Variants in PTPRK observed in about 807,000 individuals in gnomAD.
The protein encoded by PTPRK is protein tyrosine phosphatase receptor type K, also known as receptor-type tyrosine-protein phosphatase kappa.
In PTPRK, 75 loss-of-function variants were observed where a neutral mutation model predicts 178.0. That is an observed-to-expected ratio of 0.42 (90% CI 0.35 to 0.51). The LOEUF is 0.51. Ranked by LOEUF, PTPRK falls within the 20% of genes least tolerant of loss-of-function variation. PTPRK has a pLI of 0.02. For synonymous variants in PTPRK, 637 were observed against 620.6 expected, an observed-to-expected ratio of 1.03 and a Z score of -0.39; for missense variants, 1,441 against 1,797.8, an observed-to-expected ratio of 0.80 and a Z score of 3.59.
At chr6:128,409,083 C>T (rs951304256) in intron 1 of PTPRK, among the ~76,000 whole-genome samples, 2 of 151,488 alleles carry the variant, frequency 1.3e-5, no homozygotes, top group South Asian at 4.2e-4. Flanking sequence ...TAAAAGTGTC[C>T]CTTCCTAGCC....
At chr6:128,285,850 T>C (rs1368259774) in intron 3 of PTPRK, among the ~76,000 whole-genome samples, 2 of 152,076 alleles carry the variant, frequency 1.3e-5, no homozygotes, top group South Asian at 2.1e-4. Context: ...AGAAATGTCA[T>C]AGGAAAGTTA....
chr6:128,474,373 ACATTCTTCAAT>A (rs1244388189), intron 1 of PTPRK, among the ~76,000 whole-genome samples: 1 of 152,016 alleles, frequency 6.6e-6, no homozygotes, highest in Non-Finnish European at 1.5e-5. Flanking sequence ...AGAAAACACT[ACATTCTTCAAT>A]GGAAAAAAAA....
intron 7 of PTPRK, among the ~76,000 whole-genome samples, chr6:128,120,036 C>A (rs919794966): frequency 6.6e-6 from 1 of 151,748 alleles, no homozygotes; most frequent in Non-Finnish European, 1.5e-5. Flanking sequence ...CCATTGTAAT[C>A]CAATGAAATC....
chr6:128,019,959 T>A (rs1158979840), intron 13 of PTPRK, among the ~76,000 whole-genome samples: 1 of 152,148 alleles, frequency 6.6e-6, no homozygotes, highest in Non-Finnish European at 1.5e-5. Context: ...AAGTACCTTG[T>A]CTATGTAGTA....
intron 1 of PTPRK, among the ~76,000 whole-genome samples, chr6:128,483,356 A>G (rs1240507063): frequency 6.6e-6 from 1 of 152,134 alleles, no homozygotes; most frequent in Non-Finnish European, 1.5e-5. Flanking sequence ...GCTTTATCCT[A>G]TTAATTCATT....
chr6:128,485,897 A>C (rs1012488163), intron 1 of PTPRK, among the ~76,000 whole-genome samples: 1 of 152,224 alleles, frequency 6.6e-6, no homozygotes, highest in Non-Finnish European at 1.5e-5. Context: ...TGATAAACAC[A>C]CTTTTTAAAA....
intron 7 of PTPRK, among the ~76,000 whole-genome samples, chr6:128,121,762 G>A (rs900451310): frequency 5.3e-5 from 8 of 151,038 alleles, no homozygotes; most frequent in Non-Finnish European, 5.9e-5. Flanking sequence ...AATGTGCGGG[G>A]TTTTTTTTTC....
At chr6:128,158,219 T>C (rs776986282) in intron 7 of PTPRK, among the ~76,000 whole-genome samples, 3 of 151,800 alleles carry the variant, frequency 2.0e-5, no homozygotes, top group Admixed American at 6.6e-5. Context: ...ATGAGAACAC[T>C]TGGACACAGG....
intron 13 of PTPRK, among the ~76,000 whole-genome samples, chr6:128,034,875 A>G (rs1486400514): frequency 6.6e-6 from 1 of 152,230 alleles, no homozygotes; most frequent in African/African-American, 2.4e-5. Flanking sequence ...AATCTGTTAA[A>G]GATACACATT....
chr6:128,402,062 A>G (rs1379556999), intron 1 of PTPRK, among the ~76,000 whole-genome samples: 1 of 152,224 alleles, frequency 6.6e-6, no homozygotes, highest in Non-Finnish European at 1.5e-5. Context: ...CTAATCAGAA[A>G]CCATGATATA....
chr6:128,005,286 C>G, intron 14 of PTPRK, 42 bp from the exon 15 acceptor site: 1 of 1,601,498 alleles, frequency 6.2e-7, no homozygotes, highest in Non-Finnish European at 8.5e-7. Flanking sequence ...GTGTTTGAGG[C>G]TTGCAGGAGA....
chr6:128,128,299 G>A (rs936100025), intron 7 of PTPRK, among the ~76,000 whole-genome samples: 2 of 152,090 alleles, frequency 1.3e-5, no homozygotes, highest in South Asian at 4.1e-4. Flanking sequence ...AGGTGATCTC[G>A]AGTCATCTTT....
chr6:128,460,051 T>C (rs890293440), intron 1 of PTPRK, among the ~76,000 whole-genome samples: 2 of 152,122 alleles, frequency 1.3e-5, no homozygotes, highest in African/African-American at 4.8e-5. Context: ...AGGGGGATGG[T>C]GCTAAACCAT....
intron 7 of PTPRK, among the ~76,000 whole-genome samples, chr6:128,170,368 G>T (rs1800055494): frequency 6.6e-6 from 1 of 151,974 alleles, no homozygotes; most frequent in African/African-American, 2.4e-5. Context: ...ACTCAGCAAA[G>T]CCTACTTTAC....
intron 2 of PTPRK, among the ~76,000 whole-genome samples, chr6:128,359,249 A>AAG (rs1562352476): frequency 6.8e-6 from 1 of 146,802 alleles, no homozygotes; most frequent in African/African-American, 2.5e-5. Flanking sequence ...TCAGGAGTTC[A>AAG]AGACAAGCCT....
intron 6 of PTPRK, among the ~76,000 whole-genome samples, chr6:128,208,574 T>G (rs1204556250): frequency 6.6e-6 from 1 of 152,142 alleles, no homozygotes; most frequent in East Asian, 1.9e-4. Flanking sequence ...TATATGCAGA[T>G]AATGTCAGCA....
At chr6:128,107,903 C>T (rs1194612466) in intron 7 of PTPRK, among the ~76,000 whole-genome samples, 3 of 152,088 alleles carry the variant, frequency 2.0e-5, no homozygotes, top group South Asian at 2.1e-4. Flanking sequence ...GACTGTGTCA[C>T]GAGAGGCCTC....
chr6:128,137,363 G>C lies in PTPRK; in HGVS notation c.1162+47069C>G, dbSNP rs573734712. ...AAATCTAGTTCCATCAATGGAGTGG[G>C]GGATAAGCATGTAGGATAAAATGGT... On this transcript the variant is annotated intron_variant, in intron 7 of 29. Coordinates refer to ENST00000368226, the MANE Select transcript of PTPRK (RefSeq NM_002844.4). Among the ~76,000 whole-genome samples, 7 of 152,288 alleles carry C rather than the reference G, an allele frequency of 4.6e-5. 1 individual carries two copies. Among genetic ancestry groups the C allele is most frequent in the African/African-American group, 1.7e-4 (7 of 41,566 alleles).
chr6:128,062,576 CA>C (rs1305932889), intron 13 of PTPRK: 1 of 167,044 alleles, frequency 6.0e-6, no homozygotes, highest in African/African-American at 2.4e-5. Flanking sequence ...AACTGTCTAA[CA>C]TAAGTTATGT....
Sources: gnomAD v4.1 joint callset for allele counts (sites outside exome capture counted in the v4.1 genomes callset) on GRCh38, gnomAD v4.1.1 for gene constraint, MANE v1.5 for transcripts, NCBI Gene and HGNC (gene_info 2026-07-23, HGNC 2026-07-21) for gene names.